PTGES3: variants seen among roughly 807,000 people sequenced by gnomAD.
PTGES3 encodes Hsp90 co-chaperone.
PTGES3 carries 5 observed loss-of-function variants against 29.9 expected under a neutral mutation model. The observed-to-expected ratio is 0.17, with a 90% CI of 0.09 to 0.35. The LOEUF is 0.35. PTGES3 is among the 10% of genes least tolerant of loss of function. The pLI is 1.00. For synonymous variants in PTGES3, 49 were observed against 57.8 expected (o/e 0.85, Z 0.69); for missense variants, 128 against 190.0 (o/e 0.67, Z 1.92).
chr12:56,669,774 T>TA (rs1951931152), intron 5 of PTGES3, among the ~76,000 whole-genome samples: 1 of 151,966 alleles, frequency 6.6e-6, no homozygotes, highest in Non-Finnish European at 1.5e-5. Flanking sequence ...CATGCCCAGC[T>TA]AATTTTTTTT....
intron 4 of PTGES3, chr12:56,670,793 G>A (rs1951972059): frequency 5.7e-6 from 1 of 174,762 alleles, no homozygotes; most frequent in East Asian, 1.4e-4. Flanking sequence ...AGGAGGGCAT[G>A]TAATTAGCAC....
intron 5 of PTGES3, among the ~76,000 whole-genome samples, 156 bp downstream of exon 5, chr12:56,670,119 A>G (rs1951946120): frequency 6.6e-6 from 1 of 152,186 alleles, no homozygotes; most frequent in Non-Finnish European, 1.5e-5. Flanking sequence ...TAAAATTGCC[A>G]TTGTTAACAT....
chr12:56,676,920 C>CAAAAAAAAAAAAA (rs34739170), intron 1 of PTGES3, among the ~76,000 whole-genome samples: 1 of 50,552 alleles, frequency 2.0e-5, no homozygotes, highest in African/African-American at 8.2e-5. Context: ...GATTCCGACT[C>CAAAAAAAAAAAAA]AAAAAAAAAA....
At chr12:56,668,766 G>C (rs1244887685) in intron 5 of PTGES3, among the ~76,000 whole-genome samples, 1 of 152,116 alleles carries the variant, frequency 6.6e-6, no homozygotes, top group Admixed American at 6.6e-5. Flanking sequence ...ACAAAATCTA[G>C]TTAATGAAAA....
chr12:56,683,677 G>C (rs1238195802), intron 1 of PTGES3, among the ~76,000 whole-genome samples: 2 of 143,982 alleles, frequency 1.4e-5, no homozygotes, highest in African/African-American at 5.1e-5. Context: ...CCAAAACTAT[G>C]GGCCGGGCGC....
Position 56,664,918 on chromosome 12 carries a change from A to G in PTGES3, c.439-118T>C, listed in dbSNP as rs186301615. 2.3e-5 allele frequency: 34 copies of G among 1,453,640 alleles called. No individual in the cohort carries two copies. In the Middle Eastern group the frequency reaches 5.7e-4, roughly 24 times the overall value. The allele number at this position is 1,453,640 out of a possible 1,614,324, so 90.0% of individuals were successfully genotyped here. A position where few individuals can be genotyped will look rare whatever the true frequency, so the allele number is the denominator to read the frequency against. ...ACTAAAGTAGCACAGGTAGGTAGTCATATCAAGCCTAGAAATTTAGTCATT... is the reference window on the plus strand; with the variant it reads ...ACTAAAGTAGCACAGGTAGGTAGTCGTATCAAGCCTAGAAATTTAGTCATT... On this transcript the variant is annotated intron_variant, in intron 6 of 7. Transcript: ENST00000262033.
intron 1 of PTGES3, among the ~76,000 whole-genome samples, chr12:56,684,059 C>A (rs146972905): frequency 4.6e-5 from 7 of 152,054 alleles, no homozygotes; most frequent in Non-Finnish European, 7.4e-5. Context: ...ATTTCCATAG[C>A]AAAATATGCT....
chr12:56,687,122 T>C lies in PTGES3; in HGVS notation c.2+876A>G, dbSNP rs7295377. 216 of 812,592 alleles carry C rather than the reference T, an allele frequency of 2.7e-4. 1 individual carries two copies. In the African/African-American group the frequency reaches 3.5e-3, roughly 13 times the overall value. The allele number at this position is 812,592 out of a possible 1,614,324, so 50.3% of individuals were successfully genotyped here. A position where few individuals can be genotyped will look rare whatever the true frequency, so the allele number is the denominator to read the frequency against. On this transcript the variant is annotated intron_variant, in intron 1 of 7. Coordinates refer to ENST00000262033, the MANE Select transcript of PTGES3 (RefSeq NM_006601.7). ...AAGGCTTTCCTTTATCATCGTAAAA[T>C]GAAGACTGCCATAGAATCTGTATTC...
chr12:56,667,244 T>C (rs927793046), intron 5 of PTGES3, among the ~76,000 whole-genome samples: 3 of 152,206 alleles, frequency 2.0e-5, no homozygotes, highest in Non-Finnish European at 2.9e-5. Flanking sequence ...TGGTTTTAGA[T>C]ATTGTGAAGA....
rs1952016913 is a variant in PTGES3, at chr12:56,671,812, T to C, written c.222A>G (p.Leu74=). The C allele has an allele frequency of 1.3e-6, 2 of 1,576,824 alleles. No homozygotes were observed. The highest frequency in any genetic ancestry group is 1.8e-5 in the Admixed American group (1 of 55,520). Residue 74 remains leucine (L), a synonymous_variant, in exon 4 of 8, where the codon TTA becomes TTG. Coordinates refer to ENST00000262033, the MANE Select transcript of PTGES3 (RefSeq NM_006601.7). ...SKHKRTDRSI[L]CCLRKGESGQ... is the part of the protein sequence containing the mutation. ...CAGATTCTCCTTTTCGTAAACAACATAAAATTGATCTGTCCGTTCTTTTAT... is the reference window on the plus strand; with the variant it reads ...CAGATTCTCCTTTTCGTAAACAACACAAAATTGATCTGTCCGTTCTTTTAT...
In PTGES3 at chr12:56,674,908, T is replaced by TCAGGAGA. The variant is rs1019585662; in HGVS notation, c.3-1850_3-1844dup. On this transcript the variant is annotated intron_variant, in intron 1 of 7. Coordinates refer to ENST00000262033, the MANE Select transcript of PTGES3 (RefSeq NM_006601.7). ...AATCTCAGCTACTCAGGAGGCTGAG[T>TCAGGAGA]CAGGAGAATCGCTTGAACCTGGGAA... 2.5e-5 allele frequency among the ~76,000 whole-genome samples: 3 copies of TCAGGAGA among 120,152 alleles called. No homozygotes were observed. In the Admixed American group the frequency reaches 3.2e-4, roughly 13 times the overall value. 78.8% of individuals were successfully genotyped at this position (120,152 alleles called of 152,430 possible). A position where few individuals can be genotyped will look rare whatever the true frequency, so the allele number is the denominator to read the frequency against.
chr12:56,675,228 A>C (rs1952181811), intron 1 of PTGES3, among the ~76,000 whole-genome samples: 1 of 151,780 alleles, frequency 6.6e-6, no homozygotes. Context: ...TGAACCCAGG[A>C]GGTAGAGGTT....
intron 1 of PTGES3, among the ~76,000 whole-genome samples, chr12:56,683,649 CA>C (rs1330789680): frequency 7.1e-6 from 1 of 140,520 alleles, no homozygotes; most frequent in Non-Finnish European, 1.6e-5. Flanking sequence ...GACTCCATCT[CA>C]AAAAAACAAA....
At chr12:56,664,850 AACTGAACAGTTTACCTAAAAAAGTT>A (rs1462992267) in intron 6 of PTGES3, 50 bp from the exon 7 acceptor site, 1 of 1,587,648 alleles carries the variant, frequency 6.3e-7, no homozygotes, top group Non-Finnish European at 8.6e-7. Flanking sequence ...TTCGTTTGCT[AACTGAACAGTTTACCTAAAAAAGTT>A]CAAGTGCTAT....
At chr12:56,669,247 T>A (rs976577887) in intron 5 of PTGES3, among the ~76,000 whole-genome samples, 1 of 151,946 alleles carries the variant, frequency 6.6e-6, no homozygotes, top group East Asian at 1.9e-4. Flanking sequence ...CAGACTGGAG[T>A]GCAATAGCGA....
At chr12:56,686,831 C>T in intron 1 of PTGES3, 1 of 398,332 alleles carries the variant, frequency 2.5e-6, no homozygotes, top group East Asian at 3.6e-5. Flanking sequence ...TATACTCAGC[C>T]TCAGTATCAT....
At chr12:56,683,130 A>G (rs1183382381) in intron 1 of PTGES3, among the ~76,000 whole-genome samples, 4 of 151,916 alleles carry the variant, frequency 2.6e-5, no homozygotes, top group Non-Finnish European at 4.4e-5. Context: ...CGCGTGGATC[A>G]TGAGGTCAGG....
In PTGES3 at chr12:56,687,991, C is replaced by T. The variant is rs747493144; in HGVS notation, c.2+7G>A. On this transcript the variant is annotated splice_region_variant and intron_variant, in intron 1 of 7. Coordinates refer to ENST00000262033, the MANE Select transcript of PTGES3 (RefSeq NM_006601.7). ...GCGACCTTCCCTCGGCGGGGTGTCG[C>T]ACTCACATTGTGAACGGGGCAGGGG... 1 of 1,598,502 alleles carries T rather than the reference C, an allele frequency of 6.3e-7. No homozygotes were observed. Among genetic ancestry groups the T allele is most frequent in the East Asian group, 2.3e-5 (1 of 43,066 alleles).
chr12:56,684,679 GAACGAC>G (rs1952740883), intron 1 of PTGES3, among the ~76,000 whole-genome samples: 1 of 151,968 alleles, frequency 6.6e-6, no homozygotes, highest in Non-Finnish European at 1.5e-5. Flanking sequence ...TTAATCGGTC[GAACGAC>G]AATGATTCAA....
Sources: gnomAD v4.1 joint callset for allele counts (sites outside exome capture counted in the v4.1 genomes callset) on GRCh38, gnomAD v4.1.1 for gene constraint, MANE v1.5 for transcripts, NCBI Gene and HGNC (gene_info 2026-07-23, HGNC 2026-07-21) for gene names.